Variants in SIL1 observed in about 807,000 individuals in gnomAD.
The protein encoded by SIL1 is SIL1 nucleotide exchange factor.
A neutral mutation model predicts 49.1 loss-of-function variants in SIL1; 40 were observed. The ratio of observed to expected loss-of-function variants is 0.81; its 90% CI spans 0.63 to 1.06. SIL1 has a LOEUF of 1.06. Among genes scored for constraint, SIL1 ranks in the 50% least tolerant of loss-of-function variants. SIL1 has a pLI of 0.00. For missense variants in SIL1, 500 were observed against 572.6 expected (o/e 0.87, Z 1.29); for synonymous variants, 253 against 250.8 (o/e 1.01, Z -0.08).
intron 3 of SIL1, among the ~76,000 whole-genome samples, chr5:139,100,376 G>C (rs1003201648): frequency 2.6e-5 from 4 of 152,178 alleles, no homozygotes; most frequent in East Asian, 1.9e-4. Flanking sequence ...AGAGTGACTA[G>C]AGGAGAGGAA....
chr5:139,131,498 A>G, intron 1 of SIL1: 1 of 152,222 alleles, frequency 6.6e-6, no homozygotes, highest in Non-Finnish European at 1.5e-5. Context: ...CTGGACCGCC[A>G]CTGTGCAAAA....
intron 3 of SIL1, among the ~76,000 whole-genome samples, chr5:139,097,352 G>A (rs1251476281): frequency 6.6e-6 from 1 of 152,018 alleles, no homozygotes; most frequent in African/African-American, 2.4e-5. Flanking sequence ...AGGGCCTTGA[G>A]TGAACATAGG....
intron 5 of SIL1, among the ~76,000 whole-genome samples, chr5:139,031,960 G>C (rs892953797): frequency 1.3e-5 from 2 of 152,140 alleles, no homozygotes; most frequent in Non-Finnish European, 2.9e-5. Context: ...TGCATTGTCT[G>C]TATATCTTGT....
intron 7 of SIL1, among the ~76,000 whole-genome samples, chr5:138,985,317 C>A (rs947716094): frequency 8.5e-5 from 13 of 152,200 alleles, no homozygotes; most frequent in African/African-American, 2.9e-4. Context: ...CTTTGACCTG[C>A]CTGATTAGCG....
intron 3 of SIL1, among the ~76,000 whole-genome samples, chr5:139,100,235 A>G (rs1215360054): frequency 6.6e-6 from 1 of 152,152 alleles, no homozygotes; most frequent in Non-Finnish European, 1.5e-5. Context: ...TGGACACTGG[A>G]AAAGAAGAAA....
chr5:139,030,456 G>C (rs972561438), intron 5 of SIL1, among the ~76,000 whole-genome samples: 3 of 151,186 alleles, frequency 2.0e-5, no homozygotes, highest in Non-Finnish European at 4.4e-5. Context: ...CCGTGTGGGC[G>C]ACAGAGCAAG....
chr5:139,101,784 CTCTGGGGACCTTACGA>C (rs1319327120), intron 3 of SIL1, among the ~76,000 whole-genome samples: 1 of 152,162 alleles, frequency 6.6e-6, no homozygotes, highest in African/African-American at 2.4e-5. Context: ...AATGTGAGGT[CTCTGGGGACCTTACGA>C]TCTTGGCACA....
intron 1 of SIL1, among the ~76,000 whole-genome samples, chr5:139,162,713 T>C (rs1490346635): frequency 6.6e-6 from 1 of 152,250 alleles, no homozygotes; most frequent in African/African-American, 2.4e-5. Flanking sequence ...TCAACAAATG[T>C]TGTTTGATCA....
At chr5:139,184,572 C>T (rs927061328) in intron 1 of SIL1, among the ~76,000 whole-genome samples, 6 of 152,038 alleles carry the variant, frequency 3.9e-5, no homozygotes, top group African/African-American at 1.2e-4. Flanking sequence ...GCTCAGGAGG[C>T]TGAGGTGGGA....
At chr5:138,951,647 G>C (rs920432695) in intron 8 of SIL1, 141 bp downstream of exon 8, 2 of 836,398 alleles carry the variant, frequency 2.4e-6, no homozygotes, top group African/African-American at 1.7e-5. Flanking sequence ...CTTTAGTTGA[G>C]TGTAACTTCT....
chr5:138,992,750 C>T (rs1767785033), intron 7 of SIL1, among the ~76,000 whole-genome samples: 1 of 152,100 alleles, frequency 6.6e-6, no homozygotes, highest in Non-Finnish European at 1.5e-5. Flanking sequence ...TAAAAGACTA[C>T]ACACATTGGG....
chr5:139,180,321 C>T (rs1751959925), intron 1 of SIL1, among the ~76,000 whole-genome samples: 1 of 134,622 alleles, frequency 7.4e-6, no homozygotes, highest in South Asian at 2.3e-4. Flanking sequence ...GTGAAGATTG[C>T]AGTGAGCCGA....
At chr5:139,038,437 TG>T (rs1768966750) in intron 5 of SIL1, among the ~76,000 whole-genome samples, 1 of 152,188 alleles carries the variant, frequency 6.6e-6, no homozygotes, top group Non-Finnish European at 1.5e-5. Flanking sequence ...AGTGCTATTC[TG>T]GTCTGCTTCC....
chr5:138,954,879 G>C (rs1766869076), intron 7 of SIL1, among the ~76,000 whole-genome samples: 1 of 152,252 alleles, frequency 6.6e-6, no homozygotes, highest in Non-Finnish European at 1.5e-5. Context: ...GACTACCCAT[G>C]TAAAAGACAG....
chr5:139,168,515 A>G (rs1238459170), intron 1 of SIL1, among the ~76,000 whole-genome samples: 1 of 152,122 alleles, frequency 6.6e-6, no homozygotes, highest in African/African-American at 2.4e-5. Context: ...CTGATTACAG[A>G]GGTGCAGACA....
chr5:139,122,325 G>A (rs1386987025), intron 2 of SIL1, among the ~76,000 whole-genome samples: 1 of 152,068 alleles, frequency 6.6e-6, no homozygotes, highest in African/African-American at 2.4e-5. Flanking sequence ...AGGCATGGTG[G>A]CTCACACCTA....
chr5:139,107,217 C>A (rs558249205), intron 3 of SIL1, among the ~76,000 whole-genome samples: 2 of 152,160 alleles, frequency 1.3e-5, no homozygotes, highest in Non-Finnish European at 2.9e-5. Context: ...GTGTTGGGAT[C>A]CCTGAGTAAG....
At chr5:138,974,397 A>G (rs1767350284) in intron 7 of SIL1, among the ~76,000 whole-genome samples, 2 of 152,096 alleles carry the variant, frequency 1.3e-5, no homozygotes, top group Admixed American at 1.3e-4. Flanking sequence ...AAACATCACC[A>G]CTGGCAGGAC....
chr5:139,073,448 A>C (rs1769878849), intron 3 of SIL1, among the ~76,000 whole-genome samples: 1 of 152,224 alleles, frequency 6.6e-6, no homozygotes, highest in Non-Finnish European at 1.5e-5. Context: ...AAAGACAAAT[A>C]CACATTATCT....
Sources: allele counts gnomAD v4.1 joint callset (sites outside exome capture counted in the v4.1 genomes callset), GRCh38; gene constraint gnomAD v4.1.1; transcripts MANE v1.5; gene names NCBI Gene and HGNC (gene_info 2026-07-23, HGNC 2026-07-21).